Variants in GLP1R observed in about 807,000 individuals in gnomAD.
The protein encoded by GLP1R is glucagon-like peptide 1 receptor.
GLP1R carries 32 observed loss-of-function variants against 68.4 expected under a neutral mutation model. The ratio of observed to expected loss-of-function variants is 0.47; its 90% CI spans 0.35 to 0.63. GLP1R has a LOEUF of 0.63. Ranked by LOEUF, GLP1R falls within the 20% of genes least tolerant of loss-of-function variation. The probability of loss-of-function intolerance (pLI) is 0.00; values close to 1 mark genes in which losing one functional copy is unlikely to be tolerated. For missense variants in GLP1R, 502 were observed against 594.9 expected, an observed-to-expected ratio of 0.84 and a Z score of 1.62; for synonymous variants, 263 against 244.4, an observed-to-expected ratio of 1.08 and a Z score of -0.71.
chr6:39,057,241 A>G (rs527632595), intron 2 of GLP1R, among the ~76,000 whole-genome samples: 29 of 152,364 alleles, frequency 1.9e-4, no homozygotes, highest in Middle Eastern at 3.4e-3. Context: ...CTCCTGTTTT[A>G]CAGATCAGGA....
At chr6:39,053,230 C>T (rs1166095468) in intron 1 of GLP1R, among the ~76,000 whole-genome samples, 1 of 151,436 alleles carries the variant, frequency 6.6e-6, no homozygotes, top group African/African-American at 2.5e-5. Flanking sequence ...AACCCACAGC[C>T]CCACCTTGTC....
At chr6:39,057,071 T>G (rs576705048) in intron 2 of GLP1R, among the ~76,000 whole-genome samples, 2 of 152,310 alleles carry the variant, frequency 1.3e-5, no homozygotes, top group Non-Finnish European at 2.9e-5. Flanking sequence ...AAGGTTATCT[T>G]AAGTGAGATC....
chr6:39,056,181 A>G (rs917297557), intron 1 of GLP1R, among the ~76,000 whole-genome samples: 4 of 152,152 alleles, frequency 2.6e-5, no homozygotes, highest in African/African-American at 9.7e-5. Flanking sequence ...ACATCAAGCT[A>G]TGCACCCTGG....
In GLP1R at chr6:39,056,462, C is replaced by G. The variant is rs10305437; in HGVS notation, c.144C>G (p.Arg48=). The change falls in exon 2 of 13, where the codon CGC becomes CGG. Residue 48 remains arginine, a synonymous_variant. Transcript: ENST00000373256. The part of the protein sequence containing the change: ...KWREYRRQCQ[R]SLTEDPPPAT... ...GAGAATACCGACGCCAGTGCCAGCGCTCCCTGACTGAGGATCCACCTCCTG... is the reference window on the plus strand; with the variant it reads ...GAGAATACCGACGCCAGTGCCAGCGGTCCCTGACTGAGGATCCACCTCCTG... 4,586 of 1,607,600 alleles carry G rather than the reference C, an allele frequency of 2.9e-3. 76 individuals are homozygous for G. The East Asian group carries it at 0.029, about 10-fold the overall frequency.
intron 7 of GLP1R, among the ~76,000 whole-genome samples, chr6:39,075,297 G>A (rs1322499936): frequency 1.3e-5 from 2 of 152,222 alleles, no homozygotes; most frequent in African/African-American, 4.8e-5. Context: ...AGCAGGAGGA[G>A]GGAGGCCATC....
chr6:39,077,185 A>G (rs1373703323), intron 7 of GLP1R, among the ~76,000 whole-genome samples: 3 of 152,192 alleles, frequency 2.0e-5, no homozygotes, highest in African/African-American at 7.2e-5. Flanking sequence ...TTTAGGCAAG[A>G]GCATGTGGAT....
intron 5 of GLP1R, among the ~76,000 whole-genome samples, chr6:39,070,564 C>T (rs1768634357): frequency 6.6e-6 from 1 of 152,214 alleles, no homozygotes; most frequent in Non-Finnish European, 1.5e-5. Context: ...CCAGTTTACC[C>T]TCTCATCAGT....
chr6:39,056,762 C>T (rs1031715115), intron 2 of GLP1R, among the ~76,000 whole-genome samples: 1 of 152,240 alleles, frequency 6.6e-6, no homozygotes, highest in East Asian at 1.9e-4. Context: ...TTGGCCCTTA[C>T]TCGTTTGCTG....
chr6:39,091,109 G>A lies in GLP1R; in HGVS notation c.*5036G>A, dbSNP rs1242502080. On this transcript the variant is annotated 3_prime_UTR_variant, in exon 13 of 13. Coordinates refer to ENST00000373256, the MANE Select transcript of GLP1R (RefSeq NM_002062.5). The stretch of plus-strand genomic sequence containing the variant: ...GATTTCTATCTTCAGTGCTCTTGGG[G>A]GATGTTTGCTCCTCATGAGTGTTTA... Among the ~76,000 whole-genome samples, 1 of 152,172 alleles carries A rather than the reference G, an allele frequency of 6.6e-6. No individual in the cohort carries two copies. Among genetic ancestry groups the A allele is most frequent in the African/African-American group, 2.4e-5 (1 of 41,438 alleles).
At chr6:39,055,073 C>G (rs992750729) in intron 1 of GLP1R, among the ~76,000 whole-genome samples, 15 of 152,180 alleles carry the variant, frequency 9.9e-5, no homozygotes, top group Non-Finnish European at 1.0e-4. Context: ...GCTGCTGGGG[C>G]TTAAAGTGAG....
chr6:39,073,729 T>C lies in GLP1R; in HGVS notation c.783T>C (p.Ser261=), dbSNP rs370610408. ...CACTGCTGGCCTTCTCGGTCTTATC[T>C]GAGCAATGGATCTTCAGGCTCTACG... ...LYTLLAFSVL[S]EQWIFRLYVS... is the part of the protein sequence containing the mutation. The change falls in exon 7 of 13, where the codon TCT becomes TCC. Residue 261 remains serine (S), a synonymous_variant. Coordinates refer to ENST00000373256, the MANE Select transcript of GLP1R (RefSeq NM_002062.5). The C allele has an allele frequency of 1.1e-5, 17 of 1,613,914 alleles. No individual in the cohort carries two copies. Among genetic ancestry groups the C allele is most frequent in the Non-Finnish European group, 1.4e-5 (16 of 1,179,936 alleles).
Position 39,079,584 on chromosome 6 carries a change from C to T in GLP1R, c.1064C>T (p.Thr355Ile), listed in dbSNP as rs754117921. ...CTCAGACTTGCCAAGTCCACGCTGA[C>T]ACTCATCCCCCTGCTGGGGACTCAT... The part of the protein sequence containing the change: ...IKCRLAKSTL[T>I]LIPLLGTHEV... Residue 355 changes from threonine to isoleucine, a missense_variant, in exon 11 of 13, where the codon ACA becomes ATA. Thr to Ile is a moderately conservative substitution (Grantham distance 89, BLOSUM62 -1). Coordinates refer to ENST00000373256, the MANE Select transcript of GLP1R (RefSeq NM_002062.5). The surrounding 1 kb of genome is among the most constrained non-coding windows in gnomAD (Gnocchi z 4.5). 8 of 1,602,064 alleles carry T rather than the reference C, an allele frequency of 5.0e-6. No individual in the cohort carries two copies. The highest frequency in any genetic ancestry group is 4.5e-5 in the East Asian group (2 of 44,536).
At chr6:39,075,453 CG>C (rs1475962161) in intron 7 of GLP1R, among the ~76,000 whole-genome samples, 2 of 152,002 alleles carry the variant, frequency 1.3e-5, no homozygotes, top group East Asian at 3.9e-4. Context: ...TGCAGAGGAG[CG>C]GGGGTGGCTG....
chr6:39,078,903 T>C, intron 8 of GLP1R, 54 bp from the exon 9 acceptor site: 1 of 1,473,226 alleles, frequency 6.8e-7, no homozygotes, highest in Non-Finnish European at 9.5e-7. Context: ...GCACCTGAGC[T>C]GGGGGTCCTG....
chr6:39,070,923 G>GTTTATCAATTTAGTATTGATAAATAAAA (rs1169170409), intron 5 of GLP1R, among the ~76,000 whole-genome samples: 20 of 152,150 alleles, frequency 1.3e-4, no homozygotes, highest in Non-Finnish European at 2.5e-4. Context: ...ATGGAATAAA[G>GTTTATCAATTTAGTATTGATAAATAAAA]TTTATCAATT....
At chr6:39,068,053 C>G (rs568757191) in intron 5 of GLP1R, among the ~76,000 whole-genome samples, 3 of 151,612 alleles carry the variant, frequency 2.0e-5, no homozygotes, top group African/African-American at 4.9e-5. Context: ...CCAGCCTGAC[C>G]GATGTAAGAG....
At position 39,089,941 on chromosome 6, in the gene GLP1R, T is replaced by C. The variant is rs1562023184; in HGVS notation, c.*3868T>C. ...AAACTATAAAAATTCTCAAATAAAA[T>C]ACAGAGGCTTACTCTGCAAAGACAC... On this transcript the variant is annotated 3_prime_UTR_variant, in exon 13 of 13. Transcript: ENST00000373256. This position sits in a 1 kb window ranked among gnomAD's most constrained non-coding sequence, Gnocchi z 4.1. Among the ~76,000 whole-genome samples the C allele has an allele frequency of 6.6e-6, 1 of 152,162 alleles. No homozygotes were observed. Among genetic ancestry groups the C allele is most frequent in the Non-Finnish European group, 1.5e-5 (1 of 68,020 alleles).
chr6:39,059,847 TG>T (rs1768314037), intron 3 of GLP1R, among the ~76,000 whole-genome samples: 1 of 152,124 alleles, frequency 6.6e-6, no homozygotes, highest in Non-Finnish European at 1.5e-5. Flanking sequence ...GCCTGCCGCT[TG>T]CAGCTCCATC....
intron 3 of GLP1R, among the ~76,000 whole-genome samples, chr6:39,057,847 A>T (rs1434628696): frequency 1.3e-5 from 2 of 150,754 alleles, no homozygotes; most frequent in Non-Finnish European, 3.0e-5. Context: ...AGCAGTGGTG[A>T]GCCCCCTCCC....
Sources: allele counts gnomAD v4.1 joint callset (sites outside exome capture counted in the v4.1 genomes callset), GRCh38; gene constraint gnomAD v4.1.1; non-coding constraint Gnocchi (gnomAD v3.1); transcripts MANE v1.5; gene names NCBI Gene and HGNC (gene_info 2026-07-23, HGNC 2026-07-21).